The following WDFY3 variants were observed in gnomAD, a reference collection of about 807,000 sequenced individuals.
The protein encoded by WDFY3 is WD repeat and FYVE domain containing 3.
WDFY3 carries 66 observed loss-of-function variants against 409.6 expected under a neutral mutation model. That is an observed-to-expected ratio of 0.16 (90% CI 0.13 to 0.20). The LOEUF is 0.20. Ranked by LOEUF, WDFY3 falls within the 10% of genes least tolerant of loss-of-function variation. WDFY3 has a pLI of 1.00. For synonymous variants in WDFY3, 1,521 were observed against 1,537.1 expected (o/e 0.99, Z 0.25); for missense variants, 3,031 against 4,298.1 (o/e 0.71, Z 8.24).
At chr4:84,926,631 T>C (rs148012548) in intron 2 of WDFY3, among the ~76,000 whole-genome samples, 124 of 152,322 alleles carry the variant, frequency 8.1e-4, no homozygotes, top group African/African-American at 2.7e-3. Flanking sequence ...ATCATAAAAT[T>C]TGCAACATTA....
intron 3 of WDFY3, among the ~76,000 whole-genome samples, chr4:84,881,285 A>C (rs1763499079): frequency 6.6e-6 from 1 of 152,188 alleles, no homozygotes; most frequent in Admixed American, 6.5e-5. Context: ...ATAGCAAATA[A>C]CGTATCTCCC....
chr4:84,672,622 G>T lies in WDFY3; in HGVS notation c.*246C>A. On this transcript the variant is annotated 3_prime_UTR_variant, in exon 68 of 68. Transcript: ENST00000295888. ...ACAGCTACTGTCATCAGGGAGAACT[G>T]GAGGTCGAAAGTGTTGCTCCTAGGA... is the stretch of plus-strand genomic sequence containing the variant. 3.2e-6 allele frequency: 1 copy of T among 311,378 alleles called. No individual in the cohort carries two copies. Among genetic ancestry groups the T allele is most frequent in the Non-Finnish European group, 5.8e-6 (1 of 171,788 alleles). The allele number at this position is 311,378 out of a possible 1,614,324, so 19.3% of individuals were successfully genotyped here. A position where few individuals can be genotyped will look rare whatever the true frequency, so the allele number is the denominator to read the frequency against.
intron 30 of WDFY3, among the ~76,000 whole-genome samples, chr4:84,768,691 G>A (rs952008138): frequency 6.6e-6 from 1 of 152,176 alleles, no homozygotes; most frequent in African/African-American, 2.4e-5. Context: ...TGATGGAGAT[G>A]CACAAAAAAA....
chr4:84,921,708 A>AGT (rs1271178485), intron 2 of WDFY3, among the ~76,000 whole-genome samples: 3 of 114,348 alleles, frequency 2.6e-5, no homozygotes, highest in African/African-American at 1.0e-4. Flanking sequence ...CCCAGGCTGG[A>AGT]GTGCTGTGAC....
chr4:84,703,094 C>CAA (rs766684218), intron 55 of WDFY3, among the ~76,000 whole-genome samples: 3 of 107,738 alleles, frequency 2.8e-5, no homozygotes, highest in Admixed American at 9.8e-5. Flanking sequence ...GACTCTGTCT[C>CAA]AAAAAAAAAA....
In WDFY3 at chr4:84,672,769, G is replaced by A. The variant is rs1725614962; in HGVS notation, c.*99C>T. ...ACACTTCAAACACGTGGTATGAAGA[G>A]ATGTGTAAACGGAGACTGTTTTCAA... On this transcript the variant is annotated 3_prime_UTR_variant, in exon 68 of 68. Transcript: ENST00000295888. 1 of 1,502,494 alleles carries A rather than the reference G, an allele frequency of 6.7e-7. No homozygotes were observed. Among genetic ancestry groups the A allele is most frequent in the South Asian group, 1.3e-5 (1 of 78,394 alleles). 93.1% of individuals were successfully genotyped at this position (1,502,494 alleles called of 1,614,324 possible). A position where few individuals can be genotyped will look rare whatever the true frequency, so the allele number is the denominator to read the frequency against.
chr4:84,685,974 G>A (rs559385945), intron 62 of WDFY3, among the ~76,000 whole-genome samples: 1 of 152,180 alleles, frequency 6.6e-6, no homozygotes, highest in Admixed American at 6.5e-5. Context: ...CCACATTTTT[G>A]TAAAGCTCTT....
At chr4:84,708,059 G>A (rs1732274190) in intron 53 of WDFY3, among the ~76,000 whole-genome samples, 2 of 152,308 alleles carry the variant, frequency 1.3e-5, no homozygotes, top group East Asian at 1.9e-4. Context: ...AGGGCTAAGT[G>A]TCTTTTGTTT....
rs1159084958 is a variant in WDFY3 at position 84,765,793 on chromosome 4, C to A, written c.5188+17G>T. ...CACCAGCTCATTTTCAAGCAGCTGACTAGAAAAGTCCCATACCTAATACAG... is the reference window on the plus strand; with the variant it reads ...CACCAGCTCATTTTCAAGCAGCTGAATAGAAAAGTCCCATACCTAATACAG... On this transcript the variant is annotated intron_variant, in intron 32 of 67. Transcript: ENST00000295888. The A allele has an allele frequency of 6.2e-7, 1 of 1,608,534 alleles. No individual in the cohort carries two copies. The highest frequency in any genetic ancestry group is 1.7e-4 in the Middle Eastern group (1 of 6,032).
chr4:84,949,939 T>C (rs1561144333), intron 1 of WDFY3, among the ~76,000 whole-genome samples: 1 of 152,204 alleles, frequency 6.6e-6, no homozygotes, highest in African/African-American at 2.4e-5. Context: ...CAAAAATAGA[T>C]GCTGTTCGCG....
At chr4:84,775,187 A>G in intron 27 of WDFY3, 49 bp from the exon 28 acceptor site, 1 of 1,539,822 alleles carries the variant, frequency 6.5e-7, no homozygotes. Flanking sequence ...AAAAATGCCC[A>G]AATGCCAAAC....
At chr4:84,802,250 G>T (rs1750718953) in intron 16 of WDFY3, among the ~76,000 whole-genome samples, 1 of 147,748 alleles carries the variant, frequency 6.8e-6, no homozygotes, top group South Asian at 2.2e-4. Context: ...CCCGGCAGAA[G>T]CATACTTTTT....
intron 45 of WDFY3, among the ~76,000 whole-genome samples, chr4:84,726,358 T>G (rs1735654389): frequency 1.3e-5 from 2 of 152,172 alleles, no homozygotes; most frequent in Admixed American, 6.5e-5. Context: ...GATAATTAAC[T>G]TTTCTACTAA....
intron 7 of WDFY3, 73 bp from the exon 8 acceptor site, chr4:84,831,678 T>C: frequency 7.2e-7 from 1 of 1,382,066 alleles, no homozygotes; most frequent in Non-Finnish European, 9.9e-7. Flanking sequence ...AATGGGCAAA[T>C]GAGCTGAATG....
chr4:84,865,800 T>G (rs1223630109), intron 3 of WDFY3, among the ~76,000 whole-genome samples: 1 of 152,196 alleles, frequency 6.6e-6, no homozygotes, highest in Non-Finnish European at 1.5e-5. Context: ...CCAGGCACAG[T>G]AGCTCACACC....
intron 3 of WDFY3, among the ~76,000 whole-genome samples, chr4:84,883,184 T>C (rs1010910712): frequency 6.6e-6 from 1 of 152,190 alleles, no homozygotes; most frequent in African/African-American, 2.4e-5. Context: ...TAAGAATGAT[T>C]ACTATCATTA....
rs748819891 is a variant in WDFY3, at chr4:84,810,264, G to A, written c.1968C>T (p.Ser656=). 1.2e-6 allele frequency: 2 copies of A among 1,613,958 alleles called. No homozygotes were observed. The highest frequency in any genetic ancestry group is 1.7e-6 in the Non-Finnish European group (2 of 1,179,962). ...RKVGGFVYIT[S]LLVAMERSLS... Reference sequence around the variant, plus strand: ...AAGATCTTTCCATAGCAACGAGCAAGGATGTAATGTACACAAATCCTCCAA... The same window carrying A: ...AAGATCTTTCCATAGCAACGAGCAAAGATGTAATGTACACAAATCCTCCAA... Residue 656 remains serine, a synonymous_variant, in exon 14 of 68, where the codon TCC becomes TCT. Coordinates refer to ENST00000295888, the MANE Select transcript of WDFY3 (RefSeq NM_014991.6).
At chr4:84,775,792 A>C (rs1745452049) in intron 27 of WDFY3, among the ~76,000 whole-genome samples, 1 of 151,854 alleles carries the variant, frequency 6.6e-6, no homozygotes, top group African/African-American at 2.4e-5. Flanking sequence ...AAGTGGACAA[A>C]GGGGACAATG....
rs183719534 is a variant in WDFY3 at position 84,723,101 on chromosome 4, T to C, written c.7441+1325A>G. Among the ~76,000 whole-genome samples the C allele has an allele frequency of 3.3e-3, 509 of 152,350 alleles. 4 individuals carry two copies. The highest frequency in any genetic ancestry group is 0.012 in the African/African-American group (490 of 41,586). ...TAAACACAAATAATCTATCAAACTC[T>C]GTGAATTATACCTTGGCTTGTATCC... On this transcript the variant is annotated intron_variant, in intron 46 of 67. Coordinates refer to ENST00000295888, the MANE Select transcript of WDFY3 (RefSeq NM_014991.6).
Sources: gnomAD v4.1 joint callset for allele counts (sites outside exome capture counted in the v4.1 genomes callset) on GRCh38, gnomAD v4.1.1 for gene constraint, MANE v1.5 for transcripts, NCBI Gene and HGNC (gene_info 2026-07-23, HGNC 2026-07-21) for gene names.